The following DCDC2 variants were observed in gnomAD, a reference collection of about 807,000 sequenced individuals.
DCDC2 encodes doublecortin domain containing 2, also known as doublecortin domain-containing protein 2.
DCDC2 carries 40 observed loss-of-function variants against 50.2 expected under a neutral mutation model. That is an observed-to-expected ratio of 0.80 (90% confidence interval 0.62 to 1.04). The LOEUF (loss-of-function observed/expected upper bound fraction) is 1.04. DCDC2 is among the 50% of genes least tolerant of loss of function. The pLI, the probability that DCDC2 is intolerant of heterozygous loss-of-function variation, is 0.00. For missense variants in DCDC2, 570 were observed against 581.9 expected (o/e 0.98, Z 0.21); for synonymous variants, 234 against 210.6 (o/e 1.11, Z -0.96).
intron 2 of DCDC2, among the ~76,000 whole-genome samples, chr6:24,333,908 T>A (rs572482133): frequency 1.3e-5 from 2 of 152,236 alleles, no homozygotes; most frequent in Non-Finnish European, 2.9e-5. Context: ...TTATAACTGA[T>A]GGGCATGATT....
intron 2 of DCDC2, among the ~76,000 whole-genome samples, chr6:24,351,083 TA>T (rs1760361184): frequency 6.6e-6 from 1 of 152,172 alleles, no homozygotes; most frequent in South Asian, 2.1e-4. Flanking sequence ...GTGCTCTACC[TA>T]AAACAGCCGT....
At chr6:24,252,236 C>T (rs1762808705) in intron 7 of DCDC2, among the ~76,000 whole-genome samples, 1 of 152,200 alleles carries the variant, frequency 6.6e-6, no homozygotes, top group African/African-American at 2.4e-5. Context: ...CTACAACACA[C>T]ATATAGTTCA....
At chr6:24,191,798 T>C (rs1448631470) in intron 8 of DCDC2, among the ~76,000 whole-genome samples, 1 of 151,988 alleles carries the variant, frequency 6.6e-6, no homozygotes, top group Non-Finnish European at 1.5e-5. Flanking sequence ...GATGAACCCA[T>C]AAGGACACAG....
intron 7 of DCDC2, among the ~76,000 whole-genome samples, chr6:24,215,150 G>C (rs1476552152): frequency 6.6e-6 from 1 of 152,236 alleles, no homozygotes; most frequent in Non-Finnish European, 1.5e-5. Context: ...AAGGCTGTGA[G>C]AGACGGAAGC....
chr6:24,214,367 G>C (rs1378622153), intron 7 of DCDC2, among the ~76,000 whole-genome samples: 2 of 152,226 alleles, frequency 1.3e-5, no homozygotes, highest in East Asian at 3.9e-4. Context: ...CAGATCACAG[G>C]TAATTTTGTT....
At chr6:24,182,365 A>C (rs1183768277) in intron 8 of DCDC2, among the ~76,000 whole-genome samples, 1 of 152,156 alleles carries the variant, frequency 6.6e-6, no homozygotes, top group East Asian at 1.9e-4. Flanking sequence ...AACAGAGTAA[A>C]AAGGCAACCC....
intron 6 of DCDC2, among the ~76,000 whole-genome samples, chr6:24,287,390 C>A (rs1763637394): frequency 6.6e-6 from 1 of 152,030 alleles, no homozygotes; most frequent in South Asian, 2.1e-4. Flanking sequence ...GGGTCTCACT[C>A]TGTTGCCCAG....
intron 2 of DCDC2, among the ~76,000 whole-genome samples, chr6:24,306,543 T>TAGATAGATAGAGAGACAGAC (rs1209633765): frequency 3.5e-5 from 4 of 115,722 alleles, no homozygotes; most frequent in African/African-American, 1.3e-4. Flanking sequence ...GATAGATAGA[T>TAGATAGATAGAGAGACAGAC]AGACAGACAG....
At chr6:24,191,171 A>G (rs2113750795) in intron 8 of DCDC2, among the ~76,000 whole-genome samples, 1 of 152,312 alleles carries the variant, frequency 6.6e-6, no homozygotes, top group East Asian at 1.9e-4. Flanking sequence ...GGAACCTGTC[A>G]CAGAAAACAG....
chr6:24,319,033 T>C (rs765592182), intron 2 of DCDC2, among the ~76,000 whole-genome samples: 2 of 152,180 alleles, frequency 1.3e-5, no homozygotes, highest in African/African-American at 2.4e-5. Context: ...GTTGTACTAA[T>C]TTACATTCCC....
chr6:24,257,699 A>T (rs565972611), intron 7 of DCDC2, among the ~76,000 whole-genome samples: 1 of 124,702 alleles, frequency 8.0e-6, no homozygotes, highest in East Asian at 2.0e-4. Context: ...AAGTTGGGGA[A>T]AAAAAAAAAA....
intron 7 of DCDC2, among the ~76,000 whole-genome samples, chr6:24,258,963 G>A (rs1172060044): frequency 6.6e-6 from 1 of 152,136 alleles, no homozygotes; most frequent in African/African-American, 2.4e-5. Flanking sequence ...GTGCACTAAA[G>A]GCTGCAATCT....
the DCDC2 span, among the ~76,000 whole-genome samples, chr6:24,366,663 G>A: frequency 6.6e-6 from 1 of 152,184 alleles, no homozygotes; most frequent in Non-Finnish European, 1.5e-5. Flanking sequence ...CTGCTGTGAT[G>A]TGTCCAGTGT....
At chr6:24,273,794 C>G (rs1763292368) in intron 7 of DCDC2, among the ~76,000 whole-genome samples, 1 of 152,216 alleles carries the variant, frequency 6.6e-6, no homozygotes, top group Non-Finnish European at 1.5e-5. Flanking sequence ...GCAGGCAAAC[C>G]ATGTGCAGGT....
chr6:24,235,677 A>C (rs1581602941), intron 7 of DCDC2, among the ~76,000 whole-genome samples: 1 of 152,338 alleles, frequency 6.6e-6, no homozygotes. Context: ...TTTATGACAA[A>C]CCCACAAGCC....
At chr6:24,242,031 C>T (rs1762572114) in intron 7 of DCDC2, among the ~76,000 whole-genome samples, 1 of 151,974 alleles carries the variant, frequency 6.6e-6, no homozygotes, top group African/African-American at 2.4e-5. Context: ...AAACATTAGC[C>T]TGCTGTGGTG....
chr6:24,328,695 C>G (rs1017048902), intron 2 of DCDC2, among the ~76,000 whole-genome samples: 1 of 152,186 alleles, frequency 6.6e-6, no homozygotes, highest in Non-Finnish European at 1.5e-5. Context: ...AAACCACCTC[C>G]TCTCTGAAGT....
At chr6:24,281,315 T>C (rs544578837) in intron 6 of DCDC2, among the ~76,000 whole-genome samples, 10 of 151,664 alleles carry the variant, frequency 6.6e-5, no homozygotes, top group Non-Finnish European at 1.5e-4. Flanking sequence ...AATTGTTTTG[T>C]AATTAGAAAA....
chr6:24,231,382 C>T (rs1762333481), intron 7 of DCDC2, among the ~76,000 whole-genome samples: 1 of 152,194 alleles, frequency 6.6e-6, no homozygotes, highest in African/African-American at 2.4e-5. Context: ...GCTCTGGTTG[C>T]AGGAGACCCA....
Sources: gnomAD v4.1 joint callset for allele counts (sites outside exome capture counted in the v4.1 genomes callset) on GRCh38, gnomAD v4.1.1 for gene constraint, MANE v1.5 for transcripts, NCBI Gene and HGNC (gene_info 2026-07-23, HGNC 2026-07-21) for gene names.